Variants in TAF12 observed in about 807,000 individuals in gnomAD.
The protein encoded by TAF12 is transcription initiation factor TFIID subunit 12.
A neutral mutation model predicts 20.8 loss-of-function variants in TAF12; 3 were observed. That is an observed-to-expected ratio of 0.14 (90% confidence interval 0.07 to 0.37). TAF12 has a LOEUF of 0.37. Among genes scored for constraint, TAF12 ranks in the 10% least tolerant of loss-of-function variants. TAF12 has a pLI of 1.00. For missense variants in TAF12, 131 were observed against 197.9 expected, an observed-to-expected ratio of 0.66 and a Z score of 2.03; for synonymous variants, 69 against 70.2, an observed-to-expected ratio of 0.98 and a Z score of 0.09.
At chr1:28,609,167 C>T (rs892733848) in intron 4 of TAF12, among the ~76,000 whole-genome samples, 24 of 151,016 alleles carry the variant, frequency 1.6e-4, no homozygotes, top group Non-Finnish European at 3.1e-4. Flanking sequence ...ACCTCCGCCT[C>T]CTAGGTTCAA....
chr1:28,635,489 T>G (rs373129469), intron 1 of TAF12, among the ~76,000 whole-genome samples: 4 of 151,516 alleles, frequency 2.6e-5, no homozygotes, highest in African/African-American at 9.7e-5. Flanking sequence ...GTATTTTTAG[T>G]AGACATGGGG....
rs1002516799 is a variant in TAF12, at chr1:28,615,141, G to A, written c.247-1780C>T. Among the ~76,000 whole-genome samples the A allele has an allele frequency of 7.2e-5, 11 of 151,948 alleles. No individual in the cohort carries two copies. The East Asian group carries it at 9.7e-4, about 13-fold the overall frequency. ...AATAAATAAATATATATATATGCACGCACATGAAAAAACTGAGATTTTTAT... is the reference window on the plus strand; with the variant it reads ...AATAAATAAATATATATATATGCACACACATGAAAAAACTGAGATTTTTAT... On this transcript the variant is annotated intron_variant, in intron 3 of 5. Transcript: ENST00000373824.
At chr1:28,604,197 G>A (rs954102719) in intron 5 of TAF12, among the ~76,000 whole-genome samples, 7 of 152,152 alleles carry the variant, frequency 4.6e-5, no homozygotes, top group African/African-American at 1.7e-4. Context: ...GAGCCACTGC[G>A]CCTGGCCAAG....
chr1:28,627,665 C>CA (rs61016146), intron 1 of TAF12, among the ~76,000 whole-genome samples: 63,334 of 102,688 alleles, frequency 0.62, 20,040 homozygotes, highest in East Asian at 0.82. Context: ...TGCACTCCCT[C>CA]AAAAAAAAAA....
At chr1:28,629,791 C>T (rs1245204533) in intron 1 of TAF12, among the ~76,000 whole-genome samples, 1 of 152,072 alleles carries the variant, frequency 6.6e-6, no homozygotes, top group African/African-American at 2.4e-5. Flanking sequence ...CAAGTGCAAA[C>T]CACACCTGGC....
chr1:28,643,042 C>T lies in TAF12; in HGVS notation c.-135G>A, dbSNP rs374579114. 5.8e-5 allele frequency: 57 copies of T among 985,908 alleles called. No individual in the cohort carries two copies. In the East Asian group the frequency reaches 4.9e-3, roughly 84 times the overall value. The allele number at this position is 985,908 out of a possible 1,614,324, so 61.1% of individuals were successfully genotyped here. On this transcript the variant is annotated 5_prime_UTR_variant, in exon 1 of 6. Transcript: ENST00000373824. Reference sequence around the variant, plus strand: ...ATATGCAGAGACTGCCCCAGTGAAGCGTTCGTCTCAGCAGCCGGTCCGACT... The same window carrying T: ...ATATGCAGAGACTGCCCCAGTGAAGTGTTCGTCTCAGCAGCCGGTCCGACT...
At chr1:28,640,089 C>T (rs1244718679) in intron 1 of TAF12, among the ~76,000 whole-genome samples, 1 of 152,248 alleles carries the variant, frequency 6.6e-6, no homozygotes, top group South Asian at 2.1e-4. Flanking sequence ...GTGACCCGCC[C>T]GCCTTGGCCT....
At chr1:28,618,392 G>C (rs1188135876) in intron 2 of TAF12, among the ~76,000 whole-genome samples, 2 of 151,950 alleles carry the variant, frequency 1.3e-5, no homozygotes, top group African/African-American at 4.8e-5. Context: ...GTTTTGTTTT[G>C]TTTTTGAGAC....
At chr1:28,628,786 T>C (rs1006683125) in intron 1 of TAF12, among the ~76,000 whole-genome samples, 5 of 152,328 alleles carry the variant, frequency 3.3e-5, no homozygotes, top group East Asian at 1.9e-4. Context: ...TTGAAACACA[T>C]GTATTGCCGG....
intron 2 of TAF12, among the ~76,000 whole-genome samples, chr1:28,621,604 C>T (rs1190507856): frequency 6.6e-6 from 1 of 152,056 alleles, no homozygotes; most frequent in Non-Finnish European, 1.5e-5. Flanking sequence ...TATGCATACA[C>T]ACAACCACAT....
intron 1 of TAF12, among the ~76,000 whole-genome samples, chr1:28,629,994 C>T (rs1359753906): frequency 6.6e-6 from 1 of 152,152 alleles, no homozygotes; most frequent in Non-Finnish European, 1.5e-5. Context: ...GGCTGGAGTG[C>T]AGTGGTGCAA....
chr1:28,603,654 G>C, intron 5 of TAF12, 80 bp from the exon 6 acceptor site: 2 of 1,468,452 alleles, frequency 1.4e-6, no homozygotes, highest in Admixed American at 1.7e-5. Flanking sequence ...GTGGCTAGCA[G>C]GCCTCATGGT....
chr1:28,635,390 C>G (rs1667790166), intron 1 of TAF12, among the ~76,000 whole-genome samples: 1 of 145,770 alleles, frequency 6.9e-6, no homozygotes, highest in Admixed American at 7.0e-5. Flanking sequence ...ACTGCCAGCT[C>G]CACCTCCTGG....
In TAF12 at chr1:28,635,276, CTTTTTTTT is replaced by C. The variant is rs1179724707; in HGVS notation, c.-85+7708_-85+7715del. Among the ~76,000 whole-genome samples the C allele has an allele frequency of 2.1e-4, 21 of 100,684 alleles. No individual in the cohort carries two copies. In the East Asian group the frequency reaches 3.6e-3, roughly 17 times the overall value. 66.1% of individuals were successfully genotyped at this position (100,684 alleles called of 152,430 possible). On this transcript the variant is annotated intron_variant, in intron 1 of 5. Coordinates refer to ENST00000373824, the MANE Select transcript of TAF12 (RefSeq NM_005644.4). Reference sequence around the variant, plus strand: ...AAAAAAACCACATCTATCCTCCCTCCTTTTTTTTTTTTTTTTTTTTTTTTTGAGATGGA... The same window carrying C: ...AAAAAAACCACATCTATCCTCCCTCCTTTTTTTTTTTTTTTTTGAGATGGA...
intron 3 of TAF12, 31 bp from the exon 4 acceptor site, chr1:28,613,392 C>T (rs758370333): frequency 3.1e-5 from 48 of 1,572,676 alleles, no homozygotes; most frequent in South Asian, 4.6e-5. Context: ...AGAGTCAGCA[C>T]GACATTGGCA....
At chr1:28,631,045 CAAAAAAAAAAA>C (rs903921514) in intron 1 of TAF12, among the ~76,000 whole-genome samples, 1 of 52,946 alleles carries the variant, frequency 1.9e-5, no homozygotes, top group Non-Finnish European at 3.8e-5. Flanking sequence ...ACTCCGTCTC[CAAAAAAAAAAA>C]AAAAAAAAAA....
At chr1:28,628,150 G>C (rs1252621253) in intron 1 of TAF12, among the ~76,000 whole-genome samples, 1 of 145,058 alleles carries the variant, frequency 6.9e-6, no homozygotes, top group African/African-American at 2.6e-5. Context: ...ACCTGAGCTC[G>C]AGACCAGCCT....
At chr1:28,609,644 G>A (rs1056210443) in intron 4 of TAF12, among the ~76,000 whole-genome samples, 4 of 151,658 alleles carry the variant, frequency 2.6e-5, no homozygotes, top group East Asian at 3.9e-4. Flanking sequence ...GCACCACCAC[G>A]CTCAGCTAAT....
Position 28,603,315 on chromosome 1 carries a change from T to C in TAF12, c.*224A>G. ...ATAAAATCTTCTCTGGAAGATACAT[T>C]GCTCCTCTTTGAGATGGCAGGGAAA... On this transcript the variant is annotated 3_prime_UTR_variant, in exon 6 of 6. Coordinates refer to ENST00000373824, the MANE Select transcript of TAF12 (RefSeq NM_005644.4). The C allele has an allele frequency of 1.8e-6, 1 of 553,014 alleles. No individual in the cohort carries two copies. The highest frequency in any genetic ancestry group is 3.1e-5 in the Admixed American group (1 of 32,376). The allele number at this position is 553,014 out of a possible 1,614,324, so 34.3% of individuals were successfully genotyped here. A position where few individuals can be genotyped will look rare whatever the true frequency, so the allele number is the denominator to read the frequency against.
Sources: allele counts gnomAD v4.1 joint callset (sites outside exome capture counted in the v4.1 genomes callset), GRCh38; gene constraint gnomAD v4.1.1; transcripts MANE v1.5; gene names NCBI Gene and HGNC (gene_info 2026-07-23, HGNC 2026-07-21).